EFNA5: variants seen among roughly 807,000 people sequenced by gnomAD.
The protein encoded by EFNA5 is ephrin-A5.
A neutral mutation model predicts 22.9 loss-of-function variants in EFNA5; 5 were observed. The ratio of observed to expected loss-of-function variants is 0.22; its 90% CI spans 0.11 to 0.46. The LOEUF (loss-of-function observed/expected upper bound fraction) is 0.46. Ranked by LOEUF, EFNA5 falls within the 20% of genes least tolerant of loss-of-function variation. The probability of loss-of-function intolerance (pLI) is 0.99; values close to 1 mark genes in which losing one functional copy is unlikely to be tolerated. For synonymous variants in EFNA5, 113 were observed against 112.2 expected, an observed-to-expected ratio of 1.01 and a Z score of -0.04; for missense variants, 237 against 293.3, an observed-to-expected ratio of 0.81 and a Z score of 1.40.
intron 1 of EFNA5, among the ~76,000 whole-genome samples, chr5:107,592,055 A>G (rs1367230561): frequency 1.1e-5 from 1 of 91,102 alleles, no homozygotes; most frequent in Admixed American, 1.7e-4. Context: ...TATACATTAA[A>G]CATATATTTA....
intron 1 of EFNA5, among the ~76,000 whole-genome samples, chr5:107,660,699 G>A (rs1750935921): frequency 6.6e-6 from 1 of 152,026 alleles, no homozygotes; most frequent in Admixed American, 6.6e-5. Flanking sequence ...GTTTTATACA[G>A]TATTTAAAAT....
chr5:107,594,701 C>T (rs1456428815), intron 1 of EFNA5, among the ~76,000 whole-genome samples: 1 of 152,168 alleles, frequency 6.6e-6, no homozygotes, highest in Non-Finnish European at 1.5e-5. Context: ...CAACCATTTT[C>T]TAATCCTTCC....
rs530224304 is a variant in EFNA5, at chr5:107,382,657, A to G, written c.566-1281T>C. 1.2e-3 allele frequency among the ~76,000 whole-genome samples: 180 copies of G among 152,282 alleles called. 1 individual carries two copies. Among genetic ancestry groups the G allele is most frequent in the Non-Finnish European group, 2.1e-3 (141 of 68,024 alleles). On this transcript the variant is annotated intron_variant, in intron 4 of 4. Coordinates refer to ENST00000333274, the MANE Select transcript of EFNA5 (RefSeq NM_001962.3). ...AGGATTGGGATTATAGACATGAGCC[A>G]CTATACCTGGCCACTTGTGCTTTTA...
chr5:107,642,133 C>T (rs1297878809), intron 1 of EFNA5, among the ~76,000 whole-genome samples: 1 of 152,148 alleles, frequency 6.6e-6, no homozygotes, highest in Admixed American at 6.5e-5. Context: ...TTCCTGTGTT[C>T]CCAAATCTAC....
chr5:107,575,424 G>T (rs571118644), intron 1 of EFNA5, among the ~76,000 whole-genome samples: 75 of 152,228 alleles, frequency 4.9e-4, no homozygotes, highest in African/African-American at 1.7e-3. Context: ...CCTCTGAGGG[G>T]AAAAACCTTT....
rs565330180 is a variant in EFNA5, at chr5:107,516,805, T to G, written c.126-89296A>C. 2.6e-4 allele frequency among the ~76,000 whole-genome samples: 39 copies of G among 152,298 alleles called. No individual in the cohort carries two copies. The South Asian group carries it at 7.9e-3, about 31-fold the overall frequency. ...AGGCTTAGGAAACATTTCAGTGATG[T>G]CTGAAAAATAATAAAATATGTTACA... On this transcript the variant is annotated intron_variant, in intron 1 of 4. Coordinates refer to ENST00000333274, the MANE Select transcript of EFNA5 (RefSeq NM_001962.3).
At chr5:107,634,431 A>T (rs2112538843) in intron 1 of EFNA5, among the ~76,000 whole-genome samples, 1 of 152,258 alleles carries the variant, frequency 6.6e-6, no homozygotes, top group Admixed American at 6.5e-5. Context: ...GTGGAAGATC[A>T]CTTGAGCCCA....
chr5:107,541,404 T>C (rs1748045535), intron 1 of EFNA5, among the ~76,000 whole-genome samples: 1 of 152,196 alleles, frequency 6.6e-6, no homozygotes, highest in Non-Finnish European at 1.5e-5. Context: ...ATGATAAATG[T>C]TATAATCAGA....
At position 107,379,535 on chromosome 5, in the gene EFNA5, G is replaced by C. The variant is rs1239755747; in HGVS notation, c.*1720C>G. The C allele has an allele frequency of 7.7e-6, 1 of 129,080 alleles. No individual in the cohort carries two copies. The highest frequency in any genetic ancestry group is 1.6e-5 in the Non-Finnish European group (1 of 63,558). 8.0% of individuals were successfully genotyped at this position (129,080 alleles called of 1,614,324 possible). On this transcript the variant is annotated 3_prime_UTR_variant, in exon 5 of 5. Transcript: ENST00000333274. The stretch of plus-strand genomic sequence containing the variant: ...TGAAAGGCATGGTTTCTGTTGACAT[G>C]TCGTGCAAAGCCAAAAAAAAAAAAA...
At chr5:107,474,351 TA>T (rs1750223255) in intron 1 of EFNA5, among the ~76,000 whole-genome samples, 1 of 152,140 alleles carries the variant, frequency 6.6e-6, no homozygotes, top group Non-Finnish European at 1.5e-5. Flanking sequence ...CACTTTTCAG[TA>T]TACCAAGTAA....
chr5:107,491,905 G>A (rs1222013333), intron 1 of EFNA5, among the ~76,000 whole-genome samples: 1 of 151,978 alleles, frequency 6.6e-6, no homozygotes, highest in African/African-American at 2.4e-5. Flanking sequence ...TGCAATCTCG[G>A]CTCACTGCAA....
intron 1 of EFNA5, among the ~76,000 whole-genome samples, chr5:107,467,533 A>T (rs1750023284): frequency 6.6e-6 from 1 of 152,200 alleles, no homozygotes; most frequent in Admixed American, 6.5e-5. Flanking sequence ...TAAAAAAAAT[A>T]GTGTCTATTT....
intron 1 of EFNA5, among the ~76,000 whole-genome samples, chr5:107,510,150 C>T (rs568956264): frequency 2.6e-5 from 4 of 152,292 alleles, no homozygotes; most frequent in East Asian, 1.9e-4. Flanking sequence ...CCAAAATCCA[C>T]GAAAACCAAG....
intron 1 of EFNA5, among the ~76,000 whole-genome samples, chr5:107,445,510 A>G (rs1227142069): frequency 1.3e-5 from 2 of 152,184 alleles, no homozygotes; most frequent in African/African-American, 4.8e-5. Flanking sequence ...TCATCCTCCA[A>G]GTGATTTATG....
chr5:107,381,901 C>G (rs909709588), intron 4 of EFNA5, among the ~76,000 whole-genome samples: 5 of 152,132 alleles, frequency 3.3e-5, no homozygotes, highest in African/African-American at 1.2e-4. Flanking sequence ...AAACTAAATG[C>G]CAAAACAGCA....
chr5:107,433,443 C>T (rs1749020955), intron 1 of EFNA5, among the ~76,000 whole-genome samples: 1 of 152,148 alleles, frequency 6.6e-6, no homozygotes, highest in Non-Finnish European at 1.5e-5. Flanking sequence ...GGATAAAAAG[C>T]ACGTATCTAG....
At chr5:107,584,180 T>G (rs1355907165) in intron 1 of EFNA5, among the ~76,000 whole-genome samples, 2 of 151,840 alleles carry the variant, frequency 1.3e-5, no homozygotes, top group Non-Finnish European at 2.9e-5. Flanking sequence ...CCTTAGGAAA[T>G]CTACAAAACA....
At chr5:107,434,221 G>A (rs770823673) in intron 1 of EFNA5, among the ~76,000 whole-genome samples, 10 of 152,258 alleles carry the variant, frequency 6.6e-5, no homozygotes, top group East Asian at 3.9e-4. Context: ...AGTTCTCAAC[G>A]TACTCTGACC....
chr5:107,598,184 C>T (rs1749513139), intron 1 of EFNA5, among the ~76,000 whole-genome samples: 1 of 152,142 alleles, frequency 6.6e-6, no homozygotes, highest in Non-Finnish European at 1.5e-5. Flanking sequence ...TTCCTCCCCA[C>T]TACCCCTCTC....
Sources: allele counts gnomAD v4.1 joint callset (sites outside exome capture counted in the v4.1 genomes callset), GRCh38; gene constraint gnomAD v4.1.1; transcripts MANE v1.5; gene names NCBI Gene and HGNC (gene_info 2026-07-23, HGNC 2026-07-21).